Variants in MYO9A observed in about 807,000 individuals in gnomAD.
MYO9A encodes myosin IXA, also known as unconventional myosin-IXa.
A neutral mutation model predicts 293.3 loss-of-function variants in MYO9A; 103 were observed. The observed-to-expected ratio is 0.35, with a 90% CI of 0.30 to 0.41. The LOEUF (loss-of-function observed/expected upper bound fraction) is 0.41, where lower values mean the gene tolerates loss of function less well. Among genes scored for constraint, MYO9A ranks in the 10% least tolerant of loss-of-function variants. The pLI, the probability that MYO9A is intolerant of heterozygous loss-of-function variation, is 1.00. For synonymous variants in MYO9A, 1,001 were observed against 1,035.7 expected (o/e 0.97, Z 0.64); for missense variants, 2,685 against 3,033.0 (o/e 0.89, Z 2.69).
At chr15:71,871,350 G>A (rs1334876768) in intron 32 of MYO9A, among the ~76,000 whole-genome samples, 2 of 151,966 alleles carry the variant, frequency 1.3e-5, no homozygotes, top group South Asian at 4.2e-4. Context: ...ACTTCAGGCT[G>A]GGCAACAGAG....
In MYO9A at chr15:71,847,218, AGAG is replaced by A. The variant is rs1419110720; in HGVS notation, c.6837+1624_6837+1626del. Among the ~76,000 whole-genome samples, 3 of 152,340 alleles carry A rather than the reference AGAG, an allele frequency of 2.0e-5. No individual in the cohort carries two copies. In the East Asian group the frequency reaches 5.8e-4, roughly 29 times the overall value. ...TGGATGCTGTTCAACTACACAATAC[AGAG>A]GAAGGAAAATGAAGGATCTAAAGAA... On this transcript the variant is annotated intron_variant, in intron 39 of 41. Transcript: ENST00000356056.
rs1277370697 is a variant in MYO9A, at chr15:71,898,561, G to A, written c.3942C>T (p.Gly1314=). ...RRWSTELVPE[G]LQSPRGTPDS... Reference sequence around the variant, plus strand: ...CAGGTGTACCCCGTGGAGACTGAAGGCCTTCAGGCACCAATTCTGTAGACC... The same window carrying A: ...CAGGTGTACCCCGTGGAGACTGAAGACCTTCAGGCACCAATTCTGTAGACC... The change falls in exon 25 of 42, where the codon GGC becomes GGT. Residue 1314 remains glycine, a synonymous_variant. Transcript: ENST00000356056. 1.2e-6 allele frequency: 2 copies of A among 1,614,002 alleles called. No individual in the cohort carries two copies. The highest frequency in any genetic ancestry group is 1.7e-6 in the Non-Finnish European group (2 of 1,180,014).
At chr15:71,945,715 A>G (rs1232225382) in intron 15 of MYO9A, among the ~76,000 whole-genome samples, 3 of 101,774 alleles carry the variant, frequency 2.9e-5, no homozygotes, top group African/African-American at 9.4e-5. Flanking sequence ...TTTTCAATCT[A>G]TGTACAATTT....
chr15:71,972,765 T>C (rs1053083817), intron 12 of MYO9A, among the ~76,000 whole-genome samples: 1 of 152,118 alleles, frequency 6.6e-6, no homozygotes, highest in Non-Finnish European at 1.5e-5. Flanking sequence ...AGAAAAAGGA[T>C]AAAAGGGTAG....
Position 71,968,137 on chromosome 15 carries a change from A to C in MYO9A, c.1845-12T>G. 6.4e-7 allele frequency: 1 copy of C among 1,552,000 alleles called. No homozygotes were observed. Among genetic ancestry groups the C allele is most frequent in the Non-Finnish European group, 8.7e-7 (1 of 1,151,588 alleles). ...TAGCCTGTGGAAAGCTGAATTAAAA[A>C]AAAAAGAAAAAATATCATTACAGAA... On this transcript the variant is annotated splice_polypyrimidine_tract_variant and intron_variant, in intron 12 of 41. Transcript: ENST00000356056.
At chr15:71,959,721 A>G (rs1232529687) in intron 14 of MYO9A, 180 bp downstream of exon 14, 1 of 602,778 alleles carries the variant, frequency 1.7e-6, no homozygotes, top group African/African-American at 1.9e-5. Flanking sequence ...CTTTTACAGA[A>G]AAGAAAAACT....
Position 71,851,342 on chromosome 15 carries a change from C to A in MYO9A, c.6492G>T (p.Lys2164Asn). ...FLRAMGLQER[K>N]ETIRGVYSVI... ...CAGAGTATACACCACGGATTGTCTC[C>A]TTCCTCTCCTGAAGGCCTAAAAACA... The change falls in exon 37 of 42, where the codon AAG (lysine) becomes AAT (asparagine). Residue 2164 changes from lysine (K) to asparagine (N), a missense_variant. Lys to Asn is a moderately conservative substitution (Grantham distance 94). Around this residue, in one of 10 missense-constraint regions of MYO9A, gnomAD observed 238 missense variants for 269.1 expected, o/e 0.88. Coordinates refer to ENST00000356056, the MANE Select transcript of MYO9A (RefSeq NM_006901.4). 1 of 1,613,178 alleles carries A rather than the reference C, an allele frequency of 6.2e-7. No individual in the cohort carries two copies. Among genetic ancestry groups the A allele is most frequent in the Admixed American group, 1.7e-5 (1 of 59,968 alleles).
chr15:71,877,758 G>A (rs377424241), intron 31 of MYO9A, among the ~76,000 whole-genome samples: 9 of 152,000 alleles, frequency 5.9e-5, no homozygotes, highest in East Asian at 5.8e-4. Context: ...GCCCCACCCC[G>A]ATCTCTATTA....
intron 12 of MYO9A, among the ~76,000 whole-genome samples, chr15:71,970,850 G>A (rs184469825): frequency 2.6e-4 from 40 of 151,956 alleles, no homozygotes; most frequent in African/African-American, 9.4e-4. Context: ...CGTAGCTTTC[G>A]GGTAACAGCA....
chr15:71,897,329 G>A, intron 25 of MYO9A, 132 bp downstream of exon 25: 15 of 961,076 alleles, frequency 1.6e-5, no homozygotes, highest in Non-Finnish European at 2.2e-5. Context: ...AACAATTAGG[G>A]AATATTTTTA....
At chr15:71,936,252 G>C (rs571299640) in intron 16 of MYO9A, among the ~76,000 whole-genome samples, 16 of 152,200 alleles carry the variant, frequency 1.1e-4, no homozygotes, top group Non-Finnish European at 7.4e-5. Context: ...CTCGTATGTG[G>C]AATCTAAATA....
At chr15:72,020,775 C>T (rs2077481031) in intron 5 of MYO9A, 143 bp downstream of exon 5, 2 of 418,918 alleles carry the variant, frequency 4.8e-6, no homozygotes, top group Non-Finnish European at 8.3e-6. Context: ...TTGAGAACTG[C>T]ATCACCTAAA....
intron 27 of MYO9A, 60 bp downstream of exon 27, chr15:71,887,940 TTAAC>T (rs1232440028): frequency 2.5e-5 from 23 of 934,830 alleles, no homozygotes; most frequent in Non-Finnish European, 3.5e-5. Context: ...AGCTCAGTAC[TTAAC>T]TATAGTCAGT....
intron 9 of MYO9A, 37 bp from the exon 10 acceptor site, chr15:71,994,622 G>T: frequency 7.9e-7 from 1 of 1,273,648 alleles, no homozygotes; most frequent in South Asian, 1.4e-5. Context: ...ATGTAGAATT[G>T]ACAATGATTA....
Position 71,848,418 on chromosome 15 carries a change from C to A in MYO9A, c.6837+427G>T, listed in dbSNP as rs553057200. On this transcript the variant is annotated intron_variant, in intron 39 of 41. Transcript: ENST00000356056. ...CCATTTCCTTAAGAATCAAATGATT[C>A]CATTTAAATTCAGTTACAAATGATT... 7.2e-5 allele frequency among the ~76,000 whole-genome samples: 11 copies of A among 152,088 alleles called. No homozygotes were observed. In the South Asian group the frequency reaches 2.3e-3, roughly 32 times the overall value.
At chr15:71,905,115 A>G in intron 19 of MYO9A, 109 bp from the exon 20 acceptor site, 1 of 860,104 alleles carries the variant, frequency 1.2e-6, no homozygotes, top group Non-Finnish European at 1.7e-6. Context: ...GTAGAGGTAC[A>G]CATAGAAAGA....
chr15:71,982,344 A>G (rs943002054), intron 11 of MYO9A, among the ~76,000 whole-genome samples: 1 of 152,038 alleles, frequency 6.6e-6, no homozygotes, highest in African/African-American at 2.4e-5. Context: ...ATTTTTAATC[A>G]TATAGGTATT....
At chr15:72,053,925 A>T (rs986074045) in intron 1 of MYO9A, among the ~76,000 whole-genome samples, 3 of 152,200 alleles carry the variant, frequency 2.0e-5, no homozygotes, top group African/African-American at 7.2e-5. Context: ...CAAATAGAAA[A>T]CAAATAGTAA....
intron 38 of MYO9A, 39 bp from the exon 39 acceptor site, chr15:71,849,007 G>T (rs371489704): frequency 2.6e-6 from 4 of 1,544,008 alleles, no homozygotes; most frequent in Non-Finnish European, 3.5e-6. Context: ...GTTAAGAGGT[G>T]AAGTAAATAA....
Sources: gnomAD v4.1 joint callset for allele counts (sites outside exome capture counted in the v4.1 genomes callset) on GRCh38, gnomAD v4.1.1 for gene constraint, gnomAD v4.1.1 regional missense constraint, MANE v1.5 for transcripts, NCBI Gene and HGNC (gene_info 2026-07-23, HGNC 2026-07-21) for gene names.